The following ASTN1 variants were observed in gnomAD, a reference collection of about 807,000 sequenced individuals.
The protein encoded by ASTN1 is astrotactin 1.
Under a neutral mutation model 140.7 loss-of-function variants are expected in ASTN1, and 41 were observed. That is an observed-to-expected ratio of 0.29 (90% CI 0.23 to 0.38). The LOEUF (loss-of-function observed/expected upper bound fraction) is 0.38, where lower values mean the gene tolerates loss of function less well. Among genes scored for constraint, ASTN1 ranks in the 10% least tolerant of loss-of-function variants. The pLI, the probability that ASTN1 is intolerant of heterozygous loss-of-function variation, is 1.00. For synonymous variants in ASTN1, 640 were observed against 652.2 expected (o/e 0.98, Z 0.29); for missense variants, 1,479 against 1,678.8 (o/e 0.88, Z 2.08).
rs1678925617 is a variant in ASTN1, at chr1:177,076,583, AAGATCTTGGCTCACTG to A, written c.284-15334_284-15319del. 4.6e-5 allele frequency among the ~76,000 whole-genome samples: 7 copies of A among 151,310 alleles called. No individual in the cohort carries two copies. In the South Asian group the frequency reaches 1.5e-3, roughly 32 times the overall value. On this transcript the variant is annotated intron_variant, in intron 1 of 22. Coordinates refer to ENST00000361833, the MANE Select transcript of ASTN1 (RefSeq NM_004319.3). The stretch of plus-strand genomic sequence containing the variant: ...ATCACCCAGGCTGGAGTGCAGTGGC[AAGATCTTGGCTCACTG>A]CAACCTATGCCTCCCAGGTTCCAGT...
intron 1 of ASTN1, among the ~76,000 whole-genome samples, chr1:177,065,204 C>G (rs1332261558): frequency 2.0e-5 from 3 of 152,094 alleles, no homozygotes; most frequent in Admixed American, 6.5e-5. Flanking sequence ...GTGGCAGGAG[C>G]ACCAATGGCA....
chr1:176,895,199 C>T (rs1393330760), intron 16 of ASTN1, among the ~76,000 whole-genome samples: 4 of 152,202 alleles, frequency 2.6e-5, no homozygotes, highest in Non-Finnish European at 5.9e-5. Flanking sequence ...GTATCTATGT[C>T]TAGCATTGGG....
intron 1 of ASTN1, among the ~76,000 whole-genome samples, chr1:177,067,352 A>G (rs1274885893): frequency 6.6e-6 from 1 of 152,168 alleles, no homozygotes; most frequent in Non-Finnish European, 1.5e-5. Context: ...ATAAAGATTG[A>G]GCTCCGGACT....
intron 21 of ASTN1, among the ~76,000 whole-genome samples, chr1:176,875,900 T>A (rs368203299): frequency 1.9e-4 from 29 of 152,174 alleles, no homozygotes. Flanking sequence ...GAACAGGGGA[T>A]GATGTCAAGA....
chr1:176,858,092 G>A (rs923886096), downstream of ASTN1, among the ~76,000 whole-genome samples: 11 of 152,100 alleles, frequency 7.2e-5, no homozygotes, highest in Admixed American at 7.2e-4. Context: ...ACTCCCATGT[G>A]AGCAAGCATA....
chr1:177,090,389 G>C (rs1679689323), intron 1 of ASTN1, among the ~76,000 whole-genome samples: 1 of 151,776 alleles, frequency 6.6e-6, no homozygotes, highest in Admixed American at 6.6e-5. Flanking sequence ...ATAACTCCTT[G>C]GTATTGATAT....
intron 16 of ASTN1, among the ~76,000 whole-genome samples, chr1:176,919,807 T>C (rs934915400): frequency 2.0e-5 from 3 of 152,004 alleles, no homozygotes; most frequent in African/African-American, 7.2e-5. Flanking sequence ...ATATAAAGAG[T>C]GACTTTATAA....
At chr1:177,033,976 C>T (rs2101980058) in intron 2 of ASTN1, among the ~76,000 whole-genome samples, 1 of 152,080 alleles carries the variant, frequency 6.6e-6, no homozygotes, top group East Asian at 1.9e-4. Context: ...CTTTCCAAAC[C>T]TATTTCATTA....
chr1:176,943,767 T>C (rs904706763), intron 14 of ASTN1, 124 bp downstream of exon 14: 17 of 1,255,708 alleles, frequency 1.4e-5, no homozygotes, highest in East Asian at 2.7e-5. Context: ...GCTGAGCTTT[T>C]ATTGTGTATG....
At chr1:176,897,045 G>A (rs563588966) in intron 16 of ASTN1, among the ~76,000 whole-genome samples, 2 of 152,286 alleles carry the variant, frequency 1.3e-5, no homozygotes, top group South Asian at 4.1e-4. Flanking sequence ...GGGAGGCCAA[G>A]GCGGGTGGAT....
chr1:176,909,275 G>A (rs1275063644), intron 16 of ASTN1, among the ~76,000 whole-genome samples: 1 of 152,220 alleles, frequency 6.6e-6, no homozygotes, highest in Non-Finnish European at 1.5e-5. Context: ...ACTAGTTGGT[G>A]ACAATGGGCT....
Position 176,988,574 on chromosome 1 carries a change from C to T in ASTN1, c.1524-23337G>A, listed in dbSNP as rs563873691. 2.0e-3 allele frequency among the ~76,000 whole-genome samples: 310 copies of T among 152,314 alleles called. 3 individuals are homozygous for T. Among genetic ancestry groups the T allele is most frequent in the African/African-American group, 6.9e-3 (286 of 41,572 alleles). On this transcript the variant is annotated intron_variant, in intron 8 of 22. Transcript: ENST00000361833. ...TCCAAACATAAATGTGTTTGAGAGT[C>T]TCCAACTGATGTTAATTCTACCCTT...
At chr1:176,919,381 G>A (rs997400785) in intron 16 of ASTN1, among the ~76,000 whole-genome samples, 4 of 152,152 alleles carry the variant, frequency 2.6e-5, no homozygotes, top group Admixed American at 6.5e-5. Flanking sequence ...TGCAGGACAC[G>A]TGCTCAATAC....
chr1:177,079,755 T>C lies in ASTN1; in HGVS notation c.284-18490A>G, dbSNP rs1447063642. Among the ~76,000 whole-genome samples the C allele has an allele frequency of 2.0e-5, 3 of 152,034 alleles. No individual in the cohort carries two copies. In the East Asian group the frequency reaches 5.8e-4, roughly 29 times the overall value. On this transcript the variant is annotated intron_variant, in intron 1 of 22. Transcript: ENST00000361833. ...ACAGATGCCCAATTCCTTCACAACA[T>C]GAACTCCACACCCCCACTGAAAAGA...
Position 177,039,641 on chromosome 1 carries a change from G to A in ASTN1, c.472-6792C>T, listed in dbSNP as rs1389821591. On this transcript the variant is annotated intron_variant, in intron 2 of 22. Coordinates refer to ENST00000361833, the MANE Select transcript of ASTN1 (RefSeq NM_004319.3). ...ATGAAGAACCCCAGTAAAATAACAG[G>A]GCTAAACAGCTGTGTAATTGTATGC... 2.6e-5 allele frequency among the ~76,000 whole-genome samples: 4 copies of A among 152,124 alleles called. No individual in the cohort carries two copies. In the East Asian group the frequency reaches 7.7e-4, roughly 29 times the overall value.
intron 22 of ASTN1, among the ~76,000 whole-genome samples, chr1:176,867,754 A>T (rs562340157): frequency 1.3e-5 from 2 of 152,348 alleles, no homozygotes; most frequent in East Asian, 1.9e-4. Flanking sequence ...GGGAAAGTTT[A>T]TAACTGCAAG....
chr1:176,873,058 T>A (rs1193936689), intron 21 of ASTN1, among the ~76,000 whole-genome samples: 2 of 152,234 alleles, frequency 1.3e-5, no homozygotes, highest in Admixed American at 1.3e-4. Flanking sequence ...AATGACATAA[T>A]GAATTCATGA....
chr1:177,121,765 G>A (rs1440768665), intron 1 of ASTN1, among the ~76,000 whole-genome samples: 1 of 152,104 alleles, frequency 6.6e-6, no homozygotes, highest in Non-Finnish European at 1.5e-5. Context: ...CACCTATGGA[G>A]TATATTCCCC....
chr1:176,916,473 C>A (rs1401848863), intron 16 of ASTN1, among the ~76,000 whole-genome samples: 1 of 152,158 alleles, frequency 6.6e-6, no homozygotes, highest in Non-Finnish European at 1.5e-5. Flanking sequence ...TACATTCTTA[C>A]TTTGCCATCA....
Sources: allele counts gnomAD v4.1 joint callset (sites outside exome capture counted in the v4.1 genomes callset), GRCh38; gene constraint gnomAD v4.1.1; transcripts MANE v1.5; gene names NCBI Gene and HGNC (gene_info 2026-07-23, HGNC 2026-07-21).